ADAMTSL1: variants seen among roughly 807,000 people sequenced by gnomAD.
The protein encoded by ADAMTSL1 is ADAMTS-like protein 1.
Under a neutral mutation model 201.8 loss-of-function variants are expected in ADAMTSL1, and 126 were observed. The observed-to-expected ratio is 0.62, with a 90% CI of 0.54 to 0.72. ADAMTSL1 has a LOEUF of 0.72. ADAMTSL1 is among the 30% of genes least tolerant of loss of function. The pLI is 0.00. For missense variants in ADAMTSL1, 2,679 were observed against 2,277.8 expected, an observed-to-expected ratio of 1.18 and a Z score of -3.59; for synonymous variants, 1,121 against 903.4, an observed-to-expected ratio of 1.24 and a Z score of -4.32.
chr9:18,526,920 C>G (rs990154767), intron 2 of ADAMTSL1, among the ~76,000 whole-genome samples: 3 of 152,084 alleles, frequency 2.0e-5, no homozygotes, highest in Non-Finnish European at 4.4e-5. Context: ...GCTTGAATTG[C>G]GAAACATGGC....
At position 18,078,957 on chromosome 9, in the gene ADAMTSL1, A is replaced by C. The variant is rs367961612; in HGVS notation, c.88-84905A>C. ...AGGCAGCGACCTCTCCTTGGCTCCC[A>C]TATCAGAGTAGTTTATCAGCCTGTC... On this transcript the variant is annotated intron_variant, in intron 1 of 29. Coordinates refer to the ADAMTSL1 transcript ENST00000680146. Among the ~76,000 whole-genome samples, 236 of 152,314 alleles carry C rather than the reference A, an allele frequency of 1.5e-3. 7 individuals carry two copies. In the South Asian group the frequency reaches 0.048, roughly 31 times the overall value.
intron 2 of ADAMTSL1, among the ~76,000 whole-genome samples, chr9:18,379,566 C>G (rs1313281497): frequency 6.6e-6 from 1 of 152,124 alleles, no homozygotes; most frequent in African/African-American, 2.4e-5. Flanking sequence ...GTTGTTTTGT[C>G]TTTTGACAAT....
intron 1 of ADAMTSL1, among the ~76,000 whole-genome samples, chr9:18,117,404 A>G (rs978178844): frequency 1.3e-5 from 2 of 151,962 alleles, no homozygotes; most frequent in Non-Finnish European, 2.9e-5. Flanking sequence ...GGTGTTTCCC[A>G]TCCACCAGGC....
intron 2 of ADAMTSL1, among the ~76,000 whole-genome samples, chr9:18,401,971 C>T (rs778752131): frequency 1.5e-4 from 23 of 152,262 alleles, no homozygotes; most frequent in Middle Eastern, 3.4e-3. Flanking sequence ...TTTCTCATAT[C>T]GCAGAGTCAA....
chr9:18,297,348 CT>C (rs1563867619), intron 2 of ADAMTSL1, among the ~76,000 whole-genome samples: 2 of 151,630 alleles, frequency 1.3e-5, no homozygotes, highest in African/African-American at 4.8e-5. Context: ...CACCAACTAA[CT>C]TTTTTCTTTT....
chr9:18,407,883 G>T (rs1219831415), intron 2 of ADAMTSL1, among the ~76,000 whole-genome samples: 1 of 152,218 alleles, frequency 6.6e-6, no homozygotes, highest in Non-Finnish European at 1.5e-5. Context: ...AGCTTTGCTA[G>T]GAGAAGAAGG....
At chr9:18,826,165 G>A (rs1824541566) in intron 21 of ADAMTSL1, 119 bp from the exon 22 acceptor site, 1 of 1,186,690 alleles carries the variant, frequency 8.4e-7, no homozygotes, top group South Asian at 1.4e-5. Flanking sequence ...CCTGGTAGAA[G>A]ATGTCCCTGT....
intron 1 of ADAMTSL1, among the ~76,000 whole-genome samples, chr9:18,013,918 C>T (rs774703430): frequency 7.3e-5 from 11 of 151,642 alleles, no homozygotes; most frequent in Non-Finnish European, 1.6e-4. Flanking sequence ...TTTGAAAGGT[C>T]GCTTTTCATC....
chr9:18,398,008 C>T (rs983537608), intron 2 of ADAMTSL1, among the ~76,000 whole-genome samples: 3 of 152,114 alleles, frequency 2.0e-5, no homozygotes, highest in Non-Finnish European at 4.4e-5. Flanking sequence ...TTGTCTTGCT[C>T]AGGGCAGTGT....
intron 2 of ADAMTSL1, among the ~76,000 whole-genome samples, chr9:18,206,850 G>A (rs1259039815): frequency 1.3e-5 from 2 of 151,944 alleles, no homozygotes; most frequent in African/African-American, 4.8e-5. Flanking sequence ...TGTCTCCTAC[G>A]TGACCAGCAA....
intron 2 of ADAMTSL1, among the ~76,000 whole-genome samples, chr9:18,359,609 A>C (rs1051387324): frequency 5.3e-5 from 8 of 152,146 alleles, no homozygotes; most frequent in African/African-American, 1.9e-4. Context: ...AAATTACAGT[A>C]ATTCCCATTA....
intron 2 of ADAMTSL1, among the ~76,000 whole-genome samples, chr9:18,204,692 A>T (rs1210146773): frequency 6.6e-6 from 1 of 152,060 alleles, no homozygotes; most frequent in Non-Finnish European, 1.5e-5. Flanking sequence ...GCAGCCTTAT[A>T]GTGTTCAGAA....
chr9:18,245,361 T>C (rs571719226), intron 2 of ADAMTSL1, among the ~76,000 whole-genome samples: 8 of 152,282 alleles, frequency 5.3e-5, no homozygotes, highest in African/African-American at 1.9e-4. Context: ...TGATAGTAAA[T>C]CTTAGGAATT....
intron 23 of ADAMTSL1, among the ~76,000 whole-genome samples, chr9:18,832,232 C>G (rs1326476219): frequency 6.6e-6 from 1 of 152,174 alleles, no homozygotes; most frequent in African/African-American, 2.4e-5. Flanking sequence ...GTACCTCATC[C>G]TGGTCTTAGT....
chr9:18,707,186 T>A, intron 14 of ADAMTSL1, 138 bp downstream of exon 14: 1 of 1,112,962 alleles, frequency 9.0e-7, no homozygotes, highest in Non-Finnish European at 1.2e-6. Context: ...ATTCTAAATG[T>A]AAAGCACACT....
At chr9:18,199,941 A>G (rs558261845) in intron 2 of ADAMTSL1, among the ~76,000 whole-genome samples, 2 of 152,192 alleles carry the variant, frequency 1.3e-5, no homozygotes, top group Non-Finnish European at 2.9e-5. Context: ...TTAGTCTTAT[A>G]TAAATATATG....
intron 2 of ADAMTSL1, among the ~76,000 whole-genome samples, chr9:18,332,580 A>G (rs1347803621): frequency 6.6e-6 from 1 of 152,176 alleles, no homozygotes; most frequent in Non-Finnish European, 1.5e-5. Context: ...CCTCCTGAGT[A>G]GCTGGGACTA....
chr9:18,834,237 G>A (rs1427753016), intron 23 of ADAMTSL1, among the ~76,000 whole-genome samples: 1 of 152,146 alleles, frequency 6.6e-6, no homozygotes, highest in Admixed American at 6.6e-5. Context: ...GTCGTTGATA[G>A]TTTAATAGGA....
At chr9:17,963,644 C>T (rs1189497232) in intron 1 of ADAMTSL1, among the ~76,000 whole-genome samples, 3 of 152,068 alleles carry the variant, frequency 2.0e-5, no homozygotes, top group African/African-American at 7.2e-5. Flanking sequence ...CTAGCAGCTT[C>T]CCGTTTTTTA....
Sources: allele counts gnomAD v4.1 joint callset (sites outside exome capture counted in the v4.1 genomes callset), GRCh38; gene constraint gnomAD v4.1.1; transcripts MANE v1.5; gene names NCBI Gene and HGNC (gene_info 2026-07-23, HGNC 2026-07-21).